The following TTN variants were observed in gnomAD, a reference collection of about 807,000 sequenced individuals.
TTN encodes connectin.
Under a neutral mutation model 3,223.0 loss-of-function variants are expected in TTN, and 1,525 were observed. The ratio of observed to expected loss-of-function variants is 0.47; its 90% confidence interval spans 0.45 to 0.49. The LOEUF (loss-of-function observed/expected upper bound fraction) is 0.49. TTN is among the 20% of genes least tolerant of loss of function. TTN has a pLI of 0.00. For missense variants in TTN, 40,786 were observed against 43,424.0 expected (o/e 0.94, Z 5.40); for synonymous variants, 14,094 against 15,161.0 (o/e 0.93, Z 5.17).
chr2:178,529,058 C>G lies in TTN; in HGVS notation c.106693G>C (p.Glu35565Gln). 6.2e-7 allele frequency: 1 copy of G among 1,613,806 alleles called. No individual in the cohort carries two copies. Among genetic ancestry groups the G allele is most frequent in the Non-Finnish European group, 8.5e-7 (1 of 1,179,838 alleles). Residue 35565 changes from glutamate (E) to glutamine (Q), a missense_variant, in exon 360 of 363, where the codon GAG becomes CAG. Physicochemically the swap from Glu to Gln is conservative, Grantham distance 29. Transcript: ENST00000589042. ...GAAATCAGAACCTTTGAAGCTTCCTCTTTGAGGGCTAACTTTTCTTGAGAT... is the reference window on the plus strand; with the variant it reads ...GAAATCAGAACCTTTGAAGCTTCCTGTTTGAGGGCTAACTTTTCTTGAGAT... ...AKSQEKLALKEEASKVLISEE... is the reference protein window; with the variant it reads ...AKSQEKLALKQEASKVLISEE...
In TTN at chr2:178,614,689, C is replaced by A. The variant is rs2056975496; in HGVS notation, c.48825G>T (p.Lys16275Asn). ...LAGLTVKAGT[K>N]IELPATVTGK... ...CGGTTACGGTGGCAGGAAGTTCAATCTTGGTCCCAGCTTTTACAGTGAGAC... is the reference window on the plus strand; with the variant it reads ...CGGTTACGGTGGCAGGAAGTTCAATATTGGTCCCAGCTTTTACAGTGAGAC... The change falls in exon 261 of 363, where the codon AAG becomes AAT. Residue 16275 changes from lysine to asparagine, a missense_variant. Transcript: ENST00000589042. The A allele has an allele frequency of 4.3e-6, 7 of 1,612,086 alleles. No homozygotes were observed. The highest frequency in any genetic ancestry group is 5.1e-6 in the Non-Finnish European group (6 of 1,179,038).
Position 178,800,329 on chromosome 2 carries a change from T to C in TTN, c.583+66A>G, listed in dbSNP as rs2093993941. 2.5e-6 allele frequency: 4 copies of C among 1,603,384 alleles called. No individual in the cohort carries two copies. The Admixed American group carries it at 6.7e-5, about 27-fold the overall frequency. ...GCTGTGAGAGGTGGCAAGTGGACGC[T>C]TGGCCCCATTTAGACACAAACCAGC... On this transcript the variant is annotated intron_variant, in intron 4 of 362. Transcript: ENST00000589042.
chr2:178,794,964 A>T lies in TTN; in HGVS notation c.1203T>A (p.Ser401Arg), dbSNP rs764973725. ...AAGAAASVSA[S>R]ASYAAEAVAT... ...CAACAGCCTCTGCTGCGTAGCTAGC[A>T]CTGGCCGACACACTGGCGGCAGCAC... The change falls in exon 7 of 363, where the codon AGT becomes AGA. Residue 401 changes from serine to arginine, a missense_variant. Ser to Arg is a moderately radical substitution (Grantham distance 110, BLOSUM62 -1). Transcript: ENST00000589042. 1 of 1,605,614 alleles carries T rather than the reference A, an allele frequency of 6.2e-7. No individual in the cohort carries two copies. Among genetic ancestry groups the T allele is most frequent in the South Asian group, 1.1e-5 (1 of 91,086 alleles).
chr2:178,605,855 C>T, intron 278 of TTN, 142 bp from the exon 279 acceptor site: 1 of 763,698 alleles, frequency 1.3e-6, no homozygotes, highest in Non-Finnish European at 1.8e-6. Context: ...ATTCCTAAAA[C>T]TTGTCAGTTG....
At chr2:178,542,127 TA>T in intron 349 of TTN, 136 bp downstream of exon 349, 1 of 904,552 alleles carries the variant, frequency 1.1e-6, no homozygotes, top group Non-Finnish European at 1.6e-6. Flanking sequence ...AAAGGAGGTT[TA>T]GAAACCTTAG....
In TTN at chr2:178,629,449, C is replaced by T. The variant is rs372166634; in HGVS notation, c.44282-6G>A. On this transcript the variant is annotated splice_region_variant and splice_polypyrimidine_tract_variant and intron_variant, in intron 239 of 362. Coordinates refer to ENST00000589042, the MANE Select transcript of TTN (RefSeq NM_001267550.2). ...CAGAAGACCAATTACTCGTGCTTTT[C>T]GAGAGGGAAGAAACAGCTTTGCGTT... 58 of 1,612,544 alleles carry T rather than the reference C, an allele frequency of 3.6e-5. No individual in the cohort carries two copies. The African/African-American group carries it at 4.4e-4, about 12-fold the overall frequency.
intron 47 of TTN, chr2:178,748,410 T>G (rs2084317640): frequency 6.2e-7 from 1 of 1,613,090 alleles, no homozygotes; most frequent in Non-Finnish European, 8.5e-7. Flanking sequence ...TGCACACTTT[T>G]AGAGATATTG....
At chr2:178,707,883 A>G in intron 99 of TTN, 70 bp from the exon 100 acceptor site, 17 of 1,497,640 alleles carry the variant, frequency 1.1e-5, no homozygotes, top group Non-Finnish European at 1.4e-5. Context: ...AAGAGAAACA[A>G]ATAAAGAGAA....
In TTN at chr2:178,760,192, AGAG is replaced by A. The variant is rs1478868314; in HGVS notation, c.10115-1023_10115-1021del. On this transcript the variant is annotated intron_variant, in intron 43 of 362. Transcript: ENST00000589042. ...TGTATAAATGGCAGGTTCTCCTCTT[AGAG>A]TAACAAATCTGTTCAGTTCCTTAGA... 2.6e-5 allele frequency among the ~76,000 whole-genome samples: 4 copies of A among 152,304 alleles called. No homozygotes were observed. In the East Asian group the frequency reaches 7.7e-4, roughly 29 times the overall value.
At chr2:178,799,758 G>T in intron 5 of TTN, 27 bp from the exon 6 acceptor site, 1 of 1,614,176 alleles carries the variant, frequency 6.2e-7, no homozygotes, top group Admixed American at 1.7e-5. Context: ...CAAAGCCCAC[G>T]TTGAGGAGGA....
At chr2:178,763,435 A>T (rs752514482) in intron 43 of TTN, among the ~76,000 whole-genome samples, 2 of 152,226 alleles carry the variant, frequency 1.3e-5, no homozygotes, top group Non-Finnish European at 2.9e-5. Flanking sequence ...AGTCCAGTCA[A>T]CAATTACTTA....
At chr2:178,582,636 G>T in intron 313 of TTN, 44 bp from the exon 314 acceptor site, 1 of 1,540,892 alleles carries the variant, frequency 6.5e-7, no homozygotes. Context: ...AATGGGGAAT[G>T]AGTATAGAGT....
In TTN at chr2:178,738,192, A is replaced by G; in HGVS notation, c.14261T>C (p.Ile4754Thr). 6.2e-7 allele frequency: 1 copy of G among 1,613,718 alleles called. No individual in the cohort carries two copies. The highest frequency in any genetic ancestry group is 1.1e-5 in the South Asian group (1 of 91,060). Residue 4754 changes from isoleucine (I) to threonine (T), a missense_variant, in exon 49 of 363, where the codon ATC becomes ACC. Coordinates refer to ENST00000589042, the MANE Select transcript of TTN (RefSeq NM_001267550.2). ...DKCSIRSSKYISSLEILRTQV... is the reference protein window; with the variant it reads ...DKCSIRSSKYTSSLEILRTQV... ...GGTTCTCAGGATTTCAAGGCTGGAG[A>G]TATACTTTGAAGATCGAATAGAACA...
chr2:178,590,310 T>G lies in TTN; in HGVS notation c.61415A>C (p.His20472Pro). 1 of 1,570,712 alleles carries G rather than the reference T, an allele frequency of 6.4e-7. No individual in the cohort carries two copies. Residue 20472 changes from histidine to proline, a missense_variant, in exon 304 of 363, where the codon CAT becomes CCT. Coordinates refer to ENST00000589042, the MANE Select transcript of TTN (RefSeq NM_001267550.2). ...AACATCAAGTTCTACTTCTGGAGGA[T>G]GAAGGATATCTTTTGCAATCACAGA... ...AESVIAKDIL[H>P]PPEVELDVTC...
Position 178,535,298 on chromosome 2 carries a change from G to A in TTN, c.101317C>T (p.Pro33773Ser), listed in dbSNP as rs768248494. The A allele has an allele frequency of 6.2e-7, 1 of 1,613,836 alleles. No individual in the cohort carries two copies. Among genetic ancestry groups the A allele is most frequent in the Non-Finnish European group, 8.5e-7 (1 of 1,179,830 alleles). The change falls in exon 358 of 363, where the codon CCT becomes TCT. Residue 33773 changes from proline to serine, a missense_variant. By Grantham distance (74) the Pro-to-Ser change is moderately conservative. Transcript: ENST00000589042. ...IAENKFGLSKPSEPSEPTITK... is the reference protein window; with the variant it reads ...IAENKFGLSKSSEPSEPTITK... ...ATGGTTGGTTCTGAAGGCTCTGAAG[G>A]CTTGCTCAGACCAAATTTATTTTCA...
chr2:178,528,468 A>G (rs1322979053), intron 360 of TTN, 41 bp from the exon 361 acceptor site: 2 of 1,602,348 alleles, frequency 1.2e-6, no homozygotes, highest in Admixed American at 1.7e-5. Flanking sequence ...GAAGTTCTTC[A>G]GATGTGGAAG....
Position 178,621,055 on chromosome 2 carries a change from AAAAC to A in TTN, c.45616+43_45616+46del, listed in dbSNP as rs557405599. The A allele has an allele frequency of 4.4e-4, 699 of 1,605,712 alleles. 3 individuals are homozygous for A. Among genetic ancestry groups the A allele is most frequent in the South Asian group, 3.8e-3 (339 of 89,468 alleles). On this transcript the variant is annotated intron_variant, in intron 246 of 362. Transcript: ENST00000589042. ...TGATCAAAGTGGTAAATACAAATAC[AAAAC>A]AAACAAACAAACAAAAAACCCTAAA...
chr2:178,747,383 T>A (rs2083972618), intron 47 of TTN: 1 of 1,613,290 alleles, frequency 6.2e-7, no homozygotes, highest in African/African-American at 1.3e-5. Context: ...AGGATTAAAA[T>A]ATAAGTCAGG....
Position 178,581,975 on chromosome 2 carries a change from C to G in TTN, c.66394G>C (p.Ala22132Pro), listed in dbSNP as rs2047876545. Residue 22132 changes from alanine to proline, a missense_variant, in exon 315 of 363, where the codon GCT (alanine) becomes CCT (proline). Transcript: ENST00000589042. ...TTGCCTGGTCCAGCTTTATTTATAGCTGTAACACGGAACTCATATTCGGTA... is the reference window on the plus strand; with the variant it reads ...TTGCCTGGTCCAGCTTTATTTATAGGTGTAACACGGAACTCATATTCGGTA... ...EGTEYEFRVT[A>P]INKAGPGKPS... 1 of 1,613,310 alleles carries G rather than the reference C, an allele frequency of 6.2e-7. No homozygotes were observed. The highest frequency in any genetic ancestry group is 8.5e-7 in the Non-Finnish European group (1 of 1,179,510).
Sources: gnomAD v4.1 joint callset for allele counts (sites outside exome capture counted in the v4.1 genomes callset) on GRCh38, gnomAD v4.1.1 for gene constraint, MANE v1.5 for transcripts, NCBI Gene and HGNC (gene_info 2026-07-23, HGNC 2026-07-21) for gene names.